The following IFRD1 variants were observed in gnomAD, a reference collection of about 807,000 sequenced individuals.
The protein encoded by IFRD1 is interferon related developmental regulator 1, also known as interferon-related developmental regulator 1.
In IFRD1, 35 loss-of-function variants were observed where a neutral mutation model predicts 52.9. The ratio of observed to expected loss-of-function variants is 0.66; its 90% CI spans 0.51 to 0.88. The LOEUF (loss-of-function observed/expected upper bound fraction) is 0.88, where lower values mean the gene tolerates loss of function less well. Among genes scored for constraint, IFRD1 ranks in the 40% least tolerant of loss-of-function variants. IFRD1 has a pLI of 0.00. For synonymous variants in IFRD1, 184 were observed against 188.4 expected (o/e 0.98, Z 0.19); for missense variants, 517 against 550.8 (o/e 0.94, Z 0.61).
chr7:112,459,089 T>G, intron 5 of IFRD1, 71 bp downstream of exon 5: 1 of 1,265,604 alleles, frequency 7.9e-7, no homozygotes, highest in Non-Finnish European at 1.1e-6. Context: ...CCTATAGTAC[T>G]GTACCAGCTA....
intron 9 of IFRD1, among the ~76,000 whole-genome samples, chr7:112,471,521 A>C (rs1434297427): frequency 6.6e-6 from 1 of 151,780 alleles, no homozygotes; most frequent in Admixed American, 6.6e-5. Flanking sequence ...CTCATGATTT[A>C]CCAAAGAATT....
intron 9 of IFRD1, among the ~76,000 whole-genome samples, chr7:112,469,430 CAAAA>C (rs1034326027): frequency 6.6e-6 from 1 of 151,942 alleles, no homozygotes; most frequent in Non-Finnish European, 1.5e-5. Flanking sequence ...GTCTAAAAAA[CAAAA>C]AAACCCCTAA....
At chr7:112,455,315 C>G (rs571497402) in intron 1 of IFRD1, among the ~76,000 whole-genome samples, 1 of 151,948 alleles carries the variant, frequency 6.6e-6, no homozygotes, top group East Asian at 1.9e-4. Flanking sequence ...AACCCTGTCT[C>G]TACTAAAAAT....
intron 1 of IFRD1, among the ~76,000 whole-genome samples, chr7:112,439,561 C>G (rs941052576): frequency 6.6e-6 from 1 of 152,158 alleles, no homozygotes; most frequent in African/African-American, 2.4e-5. Flanking sequence ...TTCAGTGACT[C>G]AAAAACCTCA....
chr7:112,455,975 C>T (rs375158546), intron 2 of IFRD1, 27 bp from the exon 3 acceptor site: 143 of 1,501,606 alleles, frequency 9.5e-5, no homozygotes, highest in Middle Eastern at 3.4e-4. Context: ...TTTTAAATTA[C>T]GATGGCTGTT....
intron 1 of IFRD1, chr7:112,437,198 A>C (rs112608374): frequency 6.5e-6 from 1 of 154,746 alleles, no homozygotes; most frequent in East Asian, 1.9e-4. Context: ...TTCCGCAGGC[A>C]ATCAGGAGCC....
In IFRD1 at chr7:112,454,929, C is replaced by T. The variant is rs1023368009; in HGVS notation, c.95-834C>T. ...TCGCCCAGGCTGGAGTGCAGTGGCA[C>T]CATCTTGGCTCACTGCAACGTCTGC... On this transcript the variant is annotated intron_variant, in intron 1 of 11. Coordinates refer to ENST00000403825, the MANE Select transcript of IFRD1 (RefSeq NM_001550.4). Among the ~76,000 whole-genome samples, 6 of 136,954 alleles carry T rather than the reference C, an allele frequency of 4.4e-5. No homozygotes were observed. The Admixed American group carries it at 5.0e-4, about 11-fold the overall frequency. The allele number at this position is 136,954 out of a possible 152,430, so 89.8% of individuals were successfully genotyped here. A position where few individuals can be genotyped will look rare whatever the true frequency, so the allele number is the denominator to read the frequency against.
chr7:112,464,781 CT>C (rs1263326236), intron 8 of IFRD1, among the ~76,000 whole-genome samples: 3 of 152,204 alleles, frequency 2.0e-5, no homozygotes, highest in Non-Finnish European at 4.4e-5. Flanking sequence ...ATAGTTAGAC[CT>C]TTTCCAGGTC....
At chr7:112,433,124 G>A (rs1794582678) in intron 1 of IFRD1, among the ~76,000 whole-genome samples, 1 of 152,146 alleles carries the variant, frequency 6.6e-6, no homozygotes, top group Admixed American at 6.5e-5. Flanking sequence ...CTGCCGCCCA[G>A]ACAGAGCCAA....
chr7:112,446,006 G>T (rs559968785), upstream of IFRD1, among the ~76,000 whole-genome samples: 1 of 152,306 alleles, frequency 6.6e-6, no homozygotes, highest in South Asian at 2.1e-4. Flanking sequence ...AATTTGGGGG[G>T]CCCAGGATTA....
At chr7:112,424,282 T>C (rs927286232) in intron 1 of IFRD1, among the ~76,000 whole-genome samples, 1 of 152,144 alleles carries the variant, frequency 6.6e-6, no homozygotes, top group Non-Finnish European at 1.5e-5. Context: ...GCAGGCATAC[T>C]TTTGGTTGTA....
Position 112,472,839 on chromosome 7 carries a change from TGAA to T in IFRD1, c.1247_1249del (p.Lys416del). ...CTTGATGCTGCAACGCTTAAAACGA[TGAA>T]GATTTCTCGTTTCGAAAGGGTAGGT... On this transcript the variant is annotated inframe_deletion, in exon 11 of 12. Transcript: ENST00000403825. The T allele has an allele frequency of 4.3e-6, 7 of 1,612,130 alleles. No individual in the cohort carries two copies. The highest frequency in any genetic ancestry group is 5.9e-6 in the Non-Finnish European group (7 of 1,178,158).
At chr7:112,439,513 CTAGGGG>C (rs1335689300) in intron 1 of IFRD1, among the ~76,000 whole-genome samples, 2 of 152,154 alleles carry the variant, frequency 1.3e-5, no homozygotes, top group Non-Finnish European at 2.9e-5. Context: ...CATAAGTGGT[CTAGGGG>C]TAGGGGATGG....
upstream of IFRD1, among the ~76,000 whole-genome samples, chr7:112,449,581 A>C (rs1401696653): frequency 6.6e-6 from 1 of 152,200 alleles, no homozygotes; most frequent in African/African-American, 2.4e-5. Flanking sequence ...ATACTAGACA[A>C]ATGTCCTAAC....
intron 1 of IFRD1, among the ~76,000 whole-genome samples, chr7:112,455,490 C>CA (rs950424856): frequency 2.0e-4 from 29 of 142,952 alleles, no homozygotes; most frequent in African/African-American, 4.7e-4. Context: ...CTCAAAAAAA[C>CA]AAAAAAAACA....
At chr7:112,473,244 A>AT (rs1563273537) in intron 11 of IFRD1, among the ~76,000 whole-genome samples, 11 of 152,160 alleles carry the variant, frequency 7.2e-5, no homozygotes, top group African/African-American at 2.7e-4. Flanking sequence ...TTCTATCTTA[A>AT]TATAGGAACG....
chr7:112,469,119 A>C (rs67523617), intron 9 of IFRD1, among the ~76,000 whole-genome samples: 58,706 of 151,958 alleles, frequency 0.39, 12,068 homozygotes, highest in Non-Finnish European at 0.46. Flanking sequence ...TGTGTTTCTT[A>C]GATTATTGCT....
At chr7:112,469,904 C>A (rs968273495) in intron 9 of IFRD1, among the ~76,000 whole-genome samples, 5 of 151,982 alleles carry the variant, frequency 3.3e-5, no homozygotes, top group Non-Finnish European at 5.9e-5. Context: ...ATGCACCTGC[C>A]TGAGAAAGGC....
intron 1 of IFRD1, among the ~76,000 whole-genome samples, chr7:112,427,672 C>T (rs1255933636): frequency 6.6e-6 from 1 of 152,176 alleles, no homozygotes; most frequent in Non-Finnish European, 1.5e-5. Context: ...TCTTTTCTTT[C>T]TCCTACTCAC....
Sources: allele counts gnomAD v4.1 joint callset (sites outside exome capture counted in the v4.1 genomes callset), GRCh38; gene constraint gnomAD v4.1.1; transcripts MANE v1.5; gene names NCBI Gene and HGNC (gene_info 2026-07-23, HGNC 2026-07-21).